Variants in ARID1B observed in about 807,000 individuals in gnomAD.
The protein encoded by ARID1B is AT-rich interaction domain 1B.
In ARID1B, 30 loss-of-function variants were observed where a neutral mutation model predicts 212.3. The ratio of observed to expected loss-of-function variants is 0.14; its 90% CI spans 0.11 to 0.19. The LOEUF is 0.19. Among genes scored for constraint, ARID1B ranks in the 10% least tolerant of loss-of-function variants. The pLI is 1.00. For synonymous variants in ARID1B, 1,402 were observed against 1,301.7 expected (o/e 1.08, Z -1.66); for missense variants, 2,891 against 3,204.0 (o/e 0.90, Z 2.36).
In ARID1B at chr6:156,778,893, G is replaced by C. The variant is rs1453256339; in HGVS notation, c.1213G>C (p.Gly405Arg). The change falls in exon 1 of 20, where the codon GGA (glycine) becomes CGA (arginine). Residue 405 changes from glycine to arginine, a missense_variant. Coordinates refer to ENST00000636930, the MANE Select transcript of ARID1B (RefSeq NM_001374828.1). ...GGGGGGGGSGGGGGGGGAGAG... is the reference protein window; with the variant it reads ...GGGGGGGGSGRGGGGGGAGAG... ...CGGCGGAGGAGGAGGAGGCAGCGGAGGAGGAGGAGGAGGAGGAGGAGCAGG... is the reference window on the plus strand; with the variant it reads ...CGGCGGAGGAGGAGGAGGCAGCGGACGAGGAGGAGGAGGAGGAGGAGCAGG... The C allele has an allele frequency of 3.7e-6, 5 of 1,354,876 alleles. No homozygotes were observed. In the South Asian group the frequency reaches 5.6e-5, roughly 15 times the overall value. The allele number at this position is 1,354,876 out of a possible 1,614,324, so 83.9% of individuals were successfully genotyped here. A position where few individuals can be genotyped will look rare whatever the true frequency, so the allele number is the denominator to read the frequency against.
intron 3 of ARID1B, among the ~76,000 whole-genome samples, chr6:156,917,676 G>A (rs1001744350): frequency 6.6e-6 from 1 of 152,214 alleles, no homozygotes; most frequent in African/African-American, 2.4e-5. Context: ...CATTTAGATG[G>A]AGCATATTAA....
Position 156,778,657 on chromosome 6 carries a change from G to T in ARID1B, c.977G>T (p.Gly326Val). ...GGCAGCGCTGCCCCTGCGAGCGGCG[G>T]CCCCGGCGGCCGCGCTGGGCCTTGC... ...YYGSAAPASG[G>V]PGGRAGPCFD... The change falls in exon 1 of 20, where the codon GGC becomes GTC. Residue 326 changes from glycine (G) to valine (V), a missense_variant. Gly to Val is a moderately radical substitution (Grantham distance 109). Transcript: ENST00000636930. 6.7e-7 allele frequency: 1 copy of T among 1,485,276 alleles called. No individual in the cohort carries two copies. Among genetic ancestry groups the T allele is most frequent in the Admixed American group, 2.2e-5 (1 of 46,118 alleles). 92.0% of individuals were successfully genotyped at this position (1,485,276 alleles called of 1,614,324 possible). A position where few individuals can be genotyped will look rare whatever the true frequency, so the allele number is the denominator to read the frequency against.
chr6:157,073,189 G>A (rs1025751846), intron 4 of ARID1B, among the ~76,000 whole-genome samples: 3 of 144,750 alleles, frequency 2.1e-5, no homozygotes, highest in East Asian at 4.1e-4. Context: ...TGCAACCTCC[G>A]CCTCCTGGGT....
At chr6:156,931,419 A>G (rs184227940) in intron 3 of ARID1B, among the ~76,000 whole-genome samples, 5 of 152,270 alleles carry the variant, frequency 3.3e-5, no homozygotes, top group African/African-American at 9.6e-5. Context: ...TTCCTGTAGT[A>G]GAAGTGGGAT....
In ARID1B at chr6:157,200,917, C is replaced by T. The variant is rs917868982; in HGVS notation, c.4692C>T (p.His1564=). The T allele has an allele frequency of 1.1e-5, 17 of 1,613,610 alleles. No homozygotes were observed. Among genetic ancestry groups the T allele is most frequent in the African/African-American group, 9.3e-5 (7 of 75,050 alleles). Residue 1564 remains histidine, a synonymous_variant, in exon 18 of 20, where the codon CAC becomes CAT. Coordinates refer to ENST00000636930, the MANE Select transcript of ARID1B (RefSeq NM_001374828.1). The surrounding 1 kb of genome is among the most constrained non-coding windows in gnomAD (Gnocchi z 4.3). The part of the protein sequence containing the change: ...RMQGPGQIQT[H]GIPPQMMGGP... Reference sequence around the variant, plus strand: ...AGGGCCCGGGGCAGATCCAGACACACGGAATCCCGCCTCAGATGATGGGCG... The same window carrying T: ...AGGGCCCGGGGCAGATCCAGACACATGGAATCCCGCCTCAGATGATGGGCG...
In ARID1B at chr6:157,148,590, A is replaced by G. The variant is rs1466608890; in HGVS notation, c.2762-34A>G. ...AGTGAATGTTGTCACAAGTTTAAAT[A>G]AAAGGCTTTACTTTGTGTTTGCTTT... On this transcript the variant is annotated intron_variant, in intron 7 of 19. Transcript: ENST00000636930. This position sits in a 1 kb window ranked among gnomAD's most constrained non-coding sequence, Gnocchi z 5.6. 5 of 1,563,248 alleles carry G rather than the reference A, an allele frequency of 3.2e-6. No homozygotes were observed. The highest frequency in any genetic ancestry group is 4.4e-6 in the Non-Finnish European group (5 of 1,148,158).
intron 3 of ARID1B, among the ~76,000 whole-genome samples, chr6:156,929,337 G>C (rs1427087276): frequency 2.6e-5 from 4 of 152,178 alleles, no homozygotes; most frequent in Non-Finnish European, 5.9e-5. Flanking sequence ...TCTACACACA[G>C]AAAGTGGAGG....
intron 7 of ARID1B, among the ~76,000 whole-genome samples, chr6:157,136,776 C>T (rs1788941401): frequency 6.6e-6 from 1 of 152,036 alleles, no homozygotes; most frequent in Non-Finnish European, 1.5e-5. Context: ...GCACAAGAAT[C>T]GCTTGAACCC....
intron 1 of ARID1B, among the ~76,000 whole-genome samples, chr6:156,818,124 T>A (rs200247596): frequency 2.2e-5 from 3 of 133,380 alleles, no homozygotes; most frequent in East Asian, 2.6e-4. Flanking sequence ...TTTTTTTTTT[T>A]AGAATATAAG....
intron 4 of ARID1B, among the ~76,000 whole-genome samples, chr6:157,052,666 GATTGGACAAAC>G (rs1456769384): frequency 6.6e-6 from 1 of 152,260 alleles, no homozygotes; most frequent in Non-Finnish European, 1.5e-5. Context: ...AATGGACAAA[GATTGGACAAAC>G]ATAGCAACCT....
intron 2 of ARID1B, among the ~76,000 whole-genome samples, chr6:156,885,796 TG>T (rs1381632297): frequency 6.6e-6 from 1 of 152,192 alleles, no homozygotes; most frequent in Non-Finnish European, 1.5e-5. Flanking sequence ...AAGTTTATCA[TG>T]TAAGTTAAGA....
chr6:157,050,894 C>T (rs935617992), intron 4 of ARID1B, among the ~76,000 whole-genome samples: 3 of 152,180 alleles, frequency 2.0e-5, no homozygotes, highest in Non-Finnish European at 4.4e-5. Flanking sequence ...CACATGTATG[C>T]ATTCTTTCCT....
intron 7 of ARID1B, among the ~76,000 whole-genome samples, chr6:157,136,340 G>A (rs967809620): frequency 4.0e-5 from 6 of 151,890 alleles, no homozygotes; most frequent in African/African-American, 7.3e-5. Context: ...TTAATAATTC[G>A]GCCATGATCC....
intron 1 of ARID1B, among the ~76,000 whole-genome samples, chr6:156,809,522 C>T (rs1781414262): frequency 6.6e-6 from 1 of 152,070 alleles, no homozygotes; most frequent in African/African-American, 2.4e-5. Flanking sequence ...AGTAATTATG[C>T]ATGCTTAAAG....
intron 4 of ARID1B, among the ~76,000 whole-genome samples, chr6:156,989,953 C>A (rs562715583): frequency 6.6e-6 from 1 of 152,196 alleles, no homozygotes; most frequent in South Asian, 2.1e-4. Flanking sequence ...TGATATAATT[C>A]TTGCCAATTA....
At chr6:157,171,880 C>T (rs1018822420) in intron 9 of ARID1B, among the ~76,000 whole-genome samples, 1 of 152,220 alleles carries the variant, frequency 6.6e-6, no homozygotes, top group Non-Finnish European at 1.5e-5. Flanking sequence ...TTTGTGTACG[C>T]TAGCACATTT....
At chr6:156,822,838 G>A (rs959737498) in intron 1 of ARID1B, among the ~76,000 whole-genome samples, 1 of 152,166 alleles carries the variant, frequency 6.6e-6, no homozygotes, top group Non-Finnish European at 1.5e-5. Context: ...TGTGTGCCGT[G>A]ACCAGGCGGG....
chr6:157,179,244 G>A (rs1245489138), intron 11 of ARID1B, among the ~76,000 whole-genome samples: 2 of 151,922 alleles, frequency 1.3e-5, no homozygotes, highest in African/African-American at 4.8e-5. Context: ...TAATAAAAAA[G>A]AAAACTCCAT....
At chr6:157,182,040 G>A (rs777327055) in intron 12 of ARID1B, among the ~76,000 whole-genome samples, 1 of 152,170 alleles carries the variant, frequency 6.6e-6, no homozygotes, top group Non-Finnish European at 1.5e-5. Context: ...TTGAGGCCAG[G>A]AGTTGCAGAC....
Sources: allele counts gnomAD v4.1 joint callset (sites outside exome capture counted in the v4.1 genomes callset), GRCh38; gene constraint gnomAD v4.1.1; non-coding constraint Gnocchi (gnomAD v3.1); transcripts MANE v1.5; gene names NCBI Gene and HGNC (gene_info 2026-07-23, HGNC 2026-07-21).